The following ARHGEF28 variants were observed in gnomAD, a reference collection of about 807,000 sequenced individuals.
The protein encoded by ARHGEF28 is Rho guanine nucleotide exchange factor 28, also known as 190 kDa guanine nucleotide exchange factor.
In ARHGEF28, 152 loss-of-function variants were observed where a neutral mutation model predicts 206.6. The observed-to-expected ratio is 0.74, with a 90% CI of 0.64 to 0.84. The LOEUF (loss-of-function observed/expected upper bound fraction) is 0.84, where lower values mean the gene tolerates loss of function less well. Among genes scored for constraint, ARHGEF28 ranks in the 40% least tolerant of loss-of-function variants. ARHGEF28 has a pLI of 0.00. For missense variants in ARHGEF28, 2,028 were observed against 2,073.2 expected, an observed-to-expected ratio of 0.98 and a Z score of 0.42; for synonymous variants, 763 against 776.4, an observed-to-expected ratio of 0.98 and a Z score of 0.29.
chr5:73,775,167 C>G (rs1362167222), intron 5 of ARHGEF28, among the ~76,000 whole-genome samples: 2 of 152,130 alleles, frequency 1.3e-5, no homozygotes, highest in Non-Finnish European at 2.9e-5. Context: ...TCATCGTGAA[C>G]AATTCTGTGT....
At chr5:73,939,616 C>T (rs1742467009) in intron 35 of ARHGEF28, among the ~76,000 whole-genome samples, 1 of 152,206 alleles carries the variant, frequency 6.6e-6, no homozygotes, top group African/African-American at 2.4e-5. Context: ...TCCATTGACC[C>T]ACCTCCTACT....
At chr5:73,718,277 A>G (rs560945017) in intron 2 of ARHGEF28, among the ~76,000 whole-genome samples, 1 of 152,232 alleles carries the variant, frequency 6.6e-6, no homozygotes, top group Non-Finnish European at 1.5e-5. Flanking sequence ...TCTGAGAGCC[A>G]TTTGATCCTC....
At chr5:73,709,169 T>G (rs2112304278) in intron 2 of ARHGEF28, among the ~76,000 whole-genome samples, 1 of 152,368 alleles carries the variant, frequency 6.6e-6, no homozygotes, top group South Asian at 2.1e-4. Context: ...TGTTCCACTC[T>G]GGATTCTCCT....
chr5:73,901,292 G>C lies in ARHGEF28; in HGVS notation c.4074+8G>C, dbSNP rs1381013887. Reference sequence around the variant, plus strand: ...TCTGATGCAGGGGAGAAGGTATTGTGAACTGATTTGTTAGTAAACGGCAGC... The same window carrying C: ...TCTGATGCAGGGGAGAAGGTATTGTCAACTGATTTGTTAGTAAACGGCAGC... On this transcript the variant is annotated splice_region_variant and intron_variant, in intron 31 of 35. Transcript: ENST00000513042. The C allele has an allele frequency of 3.1e-6, 5 of 1,610,564 alleles. No individual in the cohort carries two copies. The highest frequency in any genetic ancestry group is 3.4e-6 in the Non-Finnish European group (4 of 1,177,998).
At chr5:73,848,677 C>G (rs887192403) in intron 12 of ARHGEF28, among the ~76,000 whole-genome samples, 9 of 152,110 alleles carry the variant, frequency 5.9e-5, no homozygotes, top group Middle Eastern at 3.4e-3. Flanking sequence ...GTTGAATATA[C>G]AAAGAAAAAG....
At chr5:73,789,412 T>C (rs1285310967) in intron 7 of ARHGEF28, among the ~76,000 whole-genome samples, 1 of 152,034 alleles carries the variant, frequency 6.6e-6, no homozygotes, top group East Asian at 1.9e-4. Context: ...GGTGAGGTGG[T>C]TGGGGAGAAA....
chr5:73,932,707 C>T (rs1764190655), intron 35 of ARHGEF28, among the ~76,000 whole-genome samples: 1 of 148,244 alleles, frequency 6.7e-6, no homozygotes, highest in East Asian at 2.1e-4. Context: ...TTCATTTATT[C>T]ATTTGACAAT....
chr5:73,730,290 G>A (rs995563444), intron 2 of ARHGEF28, among the ~76,000 whole-genome samples: 11 of 152,066 alleles, frequency 7.2e-5, no homozygotes, highest in Non-Finnish European at 1.5e-4. Flanking sequence ...GAAGTAGTTG[G>A]GGGTAAAAAT....
chr5:73,715,287 G>A lies in ARHGEF28; in HGVS notation c.33+30403G>A, dbSNP rs139101689. ...GCTGTTGCTGCTGCTGAATTGTGCT[G>A]CTGACTCAATTGTGGTTGCCCCTGC... On this transcript the variant is annotated intron_variant, in intron 2 of 35. Coordinates refer to ENST00000513042, the MANE Select transcript of ARHGEF28 (RefSeq NM_001177693.2). Among the ~76,000 whole-genome samples, 921 of 152,302 alleles carry A rather than the reference G, an allele frequency of 6.0e-3. 3 individuals carry two copies. The highest frequency in any genetic ancestry group is 0.02 in the Middle Eastern group (6 of 294).
In ARHGEF28 at chr5:73,865,298, A is replaced by G. The variant is rs75296764; in HGVS notation, c.2103+426A>G. On this transcript the variant is annotated intron_variant, in intron 17 of 35. Transcript: ENST00000513042. ...GGGCCTGAGAATGTGCATTTCTAACAAGTTTGCAGGTGATGATATTGCTGC... is the reference window on the plus strand; with the variant it reads ...GGGCCTGAGAATGTGCATTTCTAACGAGTTTGCAGGTGATGATATTGCTGC... Among the ~76,000 whole-genome samples, 172 of 150,358 alleles carry G rather than the reference A, an allele frequency of 1.1e-3. 3 individuals carry two copies. The East Asian group carries it at 0.03, about 26-fold the overall frequency.
At chr5:73,863,841 A>G (rs933993857) in intron 16 of ARHGEF28, among the ~76,000 whole-genome samples, 1 of 152,062 alleles carries the variant, frequency 6.6e-6, no homozygotes, top group African/African-American at 2.4e-5. Context: ...GGGCCAATGC[A>G]TAGATTAGCC....
intron 9 of ARHGEF28, among the ~76,000 whole-genome samples, chr5:73,817,885 C>T (rs1038257489): frequency 6.6e-6 from 1 of 152,100 alleles, no homozygotes; most frequent in Non-Finnish European, 1.5e-5. Flanking sequence ...CTTAGCTTCT[C>T]CCTCTCCTCT....
At chr5:73,716,655 C>T (rs566715932) in intron 2 of ARHGEF28, among the ~76,000 whole-genome samples, 49 of 152,272 alleles carry the variant, frequency 3.2e-4, no homozygotes, top group African/African-American at 1.1e-3. Flanking sequence ...CCCCAGCTAC[C>T]GCAGACTCTT....
Position 73,762,450 on chromosome 5 carries a change from C to G in ARHGEF28, c.475+9248C>G, listed in dbSNP as rs558005854. Among the ~76,000 whole-genome samples, 189 of 135,854 alleles carry G rather than the reference C, an allele frequency of 1.4e-3. 2 individuals carry two copies. The South Asian group carries it at 0.042, about 30-fold the overall frequency. The allele number at this position is 135,854 out of a possible 152,430, so 89.1% of individuals were successfully genotyped here. A position where few individuals can be genotyped will look rare whatever the true frequency, so the allele number is the denominator to read the frequency against. On this transcript the variant is annotated intron_variant, in intron 4 of 35. Transcript: ENST00000513042. ...CAACCTGGGTGACAAAGCAAGACTC[C>G]CTCTCAAAAAAAAAAAAAAAAAAAA...
At chr5:73,802,499 T>C (rs7730937) in intron 9 of ARHGEF28, among the ~76,000 whole-genome samples, 8,273 of 152,218 alleles carry the variant, frequency 0.054, 297 homozygotes, top group African/African-American at 0.098. Context: ...CTCTAAATTT[T>C]CCTTCTCCAA....
intron 22 of ARHGEF28, among the ~76,000 whole-genome samples, chr5:73,875,634 A>C (rs1178487535): frequency 3.1e-3 from 409 of 132,764 alleles, no homozygotes; most frequent in African/African-American, 5.4e-3. Context: ...AGCTTTCTAC[A>C]TATGGCTAGC....
At chr5:73,853,273 TGTTG>T (rs1310899541) in intron 14 of ARHGEF28, among the ~76,000 whole-genome samples, 1 of 152,238 alleles carries the variant, frequency 6.6e-6, no homozygotes, top group Non-Finnish European at 1.5e-5. Context: ...CAAGCATGAT[TGTTG>T]GTTTCTGTTG....
At chr5:73,882,734 CA>C in intron 23 of ARHGEF28, 140 bp downstream of exon 23, 1 of 799,340 alleles carries the variant, frequency 1.3e-6, no homozygotes, top group South Asian at 2.3e-5. Flanking sequence ...ATGTTTGTGA[CA>C]AAGGTGGAAA....
intron 2 of ARHGEF28, among the ~76,000 whole-genome samples, chr5:73,691,597 G>A (rs945222904): frequency 2.0e-5 from 3 of 152,172 alleles, no homozygotes; most frequent in Admixed American, 2.0e-4. Flanking sequence ...ATTCTGCTGT[G>A]TGCTAAAGAT....
Sources: gnomAD v4.1 joint callset for allele counts (sites outside exome capture counted in the v4.1 genomes callset) on GRCh38, gnomAD v4.1.1 for gene constraint, MANE v1.5 for transcripts, NCBI Gene and HGNC (gene_info 2026-07-23, HGNC 2026-07-21) for gene names.